Variants in GRAMD1B observed in about 807,000 individuals in gnomAD.
GRAMD1B encodes protein Aster-B.
A neutral mutation model predicts 99.7 loss-of-function variants in GRAMD1B; 37 were observed. The observed-to-expected ratio is 0.37, with a 90% CI of 0.29 to 0.49. The LOEUF is 0.49. GRAMD1B is among the 20% of genes least tolerant of loss of function. GRAMD1B has a pLI of 0.98. For synonymous variants in GRAMD1B, 427 were observed against 387.6 expected (o/e 1.10, Z -1.19); for missense variants, 888 against 1,009.2 (o/e 0.88, Z 1.63).
chr11:123,622,636 C>T lies in GRAMD1B; in HGVS notation c.*41C>T, dbSNP rs374815572. 55 of 768,598 alleles carry T rather than the reference C, an allele frequency of 7.2e-5. No homozygotes were observed. The African/African-American group carries it at 9.2e-4, about 13-fold the overall frequency. 47.6% of individuals were successfully genotyped at this position (768,598 alleles called of 1,614,324 possible). On this transcript the variant is annotated 3_prime_UTR_variant, in exon 20 of 20. Transcript: ENST00000635736. ...GTGGCTGCAAGAGGCCTGTGCAATA[C>T]ATGTACATAGACCATATAAATATAT...
chr11:123,389,358 T>A (rs914392195), intron 1 of GRAMD1B, among the ~76,000 whole-genome samples: 2 of 149,758 alleles, frequency 1.3e-5, no homozygotes, highest in Non-Finnish European at 3.0e-5. Flanking sequence ...CACTCCAGCC[T>A]AGGTGACAGA....
intron 1 of GRAMD1B, among the ~76,000 whole-genome samples, chr11:123,364,575 G>A (rs977551263): frequency 6.6e-6 from 1 of 152,210 alleles, no homozygotes. Context: ...GCTTTGAAGC[G>A]AAGGAATGTT....
At chr11:123,539,003 T>A (rs1183705783) in intron 2 of GRAMD1B, among the ~76,000 whole-genome samples, 1 of 152,132 alleles carries the variant, frequency 6.6e-6, no homozygotes, top group African/African-American at 2.4e-5. Context: ...ATTTTCAAGT[T>A]TCATCCAAGT....
At chr11:123,589,483 G>A (rs1333316513) in intron 4 of GRAMD1B, among the ~76,000 whole-genome samples, 2 of 151,644 alleles carry the variant, frequency 1.3e-5, no homozygotes, top group Non-Finnish European at 1.5e-5. Flanking sequence ...TCTCTCTGCC[G>A]CCCAGGCTGG....
chr11:123,396,408 T>G (rs539195745), intron 1 of GRAMD1B, among the ~76,000 whole-genome samples: 149 of 152,180 alleles, frequency 9.8e-4, no homozygotes, highest in African/African-American at 3.5e-3. Context: ...CCCAAATAGC[T>G]GGGATTATAG....
intron 2 of GRAMD1B, among the ~76,000 whole-genome samples, chr11:123,490,571 T>C (rs1938438194): frequency 6.6e-6 from 1 of 152,176 alleles, no homozygotes; most frequent in Non-Finnish European, 1.5e-5. Flanking sequence ...AGGATGTTCA[T>C]GTCTTGGAAT....
intron 1 of GRAMD1B, among the ~76,000 whole-genome samples, chr11:123,469,523 G>C (rs767037546): frequency 9.2e-5 from 14 of 152,092 alleles, no homozygotes; most frequent in Non-Finnish European, 1.3e-4. Context: ...TGCATTTCTA[G>C]TTCATATGAA....
chr11:123,363,722 G>T (rs527608396), intron 1 of GRAMD1B, among the ~76,000 whole-genome samples: 1 of 152,208 alleles, frequency 6.6e-6, no homozygotes, highest in African/African-American at 2.4e-5. Flanking sequence ...TAGAATTTGG[G>T]TGCTCACTCT....
intron 1 of GRAMD1B, among the ~76,000 whole-genome samples, chr11:123,389,118 C>A (rs974617594): frequency 2.5e-4 from 38 of 152,264 alleles, no homozygotes; most frequent in African/African-American, 8.4e-4. Context: ...GGCACGGTGG[C>A]TCACACCTGT....
intron 17 of GRAMD1B, 107 bp from the exon 18 acceptor site, chr11:123,618,586 C>T: frequency 1.2e-6 from 1 of 818,710 alleles, no homozygotes; most frequent in Non-Finnish European, 2.2e-6. Context: ...CACTGCAATG[C>T]TTTGGATGGC....
At chr11:123,620,519 T>C (rs978976095) in intron 19 of GRAMD1B, among the ~76,000 whole-genome samples, 1 of 146,786 alleles carries the variant, frequency 6.8e-6, no homozygotes, top group Non-Finnish European at 1.5e-5. Flanking sequence ...TTAATGCAGC[T>C]ATCAAGACCC....
chr11:123,459,281 G>A (rs1950304794), intron 1 of GRAMD1B: 1 of 147,916 alleles, frequency 6.8e-6, no homozygotes, highest in African/African-American at 2.5e-5. Flanking sequence ...TTGAGATGGA[G>A]TTTTGCTTTT....
At chr11:123,482,455 G>T (rs1951665194) in intron 2 of GRAMD1B, among the ~76,000 whole-genome samples, 2 of 152,146 alleles carry the variant, frequency 1.3e-5, no homozygotes, top group South Asian at 4.1e-4. Flanking sequence ...TGTTAGAAAA[G>T]ATTTATTTCG....
intron 2 of GRAMD1B, among the ~76,000 whole-genome samples, chr11:123,558,847 G>A (rs1419856460): frequency 1.3e-5 from 2 of 152,230 alleles, no homozygotes; most frequent in Admixed American, 1.3e-4. Flanking sequence ...GCTGCAGACA[G>A]AAGCAATCTT....
At chr11:123,405,662 G>T (rs1220697469) in intron 1 of GRAMD1B, among the ~76,000 whole-genome samples, 1 of 152,060 alleles carries the variant, frequency 6.6e-6, no homozygotes, top group East Asian at 1.9e-4. Flanking sequence ...TAGGAACTTT[G>T]GGCCAACAGG....
chr11:123,595,575 T>TGA (rs1427149327), intron 6 of GRAMD1B, among the ~76,000 whole-genome samples: 1 of 152,190 alleles, frequency 6.6e-6, no homozygotes, highest in East Asian at 1.9e-4. Flanking sequence ...ATTACAGATG[T>TGA]GAGCCCTGTG....
intron 4 of GRAMD1B, among the ~76,000 whole-genome samples, chr11:123,592,662 TA>T (rs1367154358): frequency 3.9e-5 from 6 of 152,112 alleles, no homozygotes; most frequent in African/African-American, 1.4e-4. Context: ...GAAACTAATA[TA>T]GGGGCCAGAG....
intron 17 of GRAMD1B, among the ~76,000 whole-genome samples, chr11:123,616,195 G>A (rs144731884): frequency 0.022 from 3,316 of 152,210 alleles, 73 homozygotes; most frequent in African/African-American, 0.044. Flanking sequence ...GGTGGCAGGT[G>A]CCTGTAGTCC....
rs550094690 is a variant in GRAMD1B, at chr11:123,452,084, T to C, written c.374+20918T>C. ...CCCAGCCTCAAGAAATTCTCTTTCC[T>C]TGGCCTCCTAAAATGTTGGGATTAC... On this transcript the variant is annotated intron_variant, in intron 1 of 19. Coordinates refer to ENST00000635736, the MANE Select transcript of GRAMD1B (RefSeq NM_001387025.1). Among the ~76,000 whole-genome samples, 8 of 152,296 alleles carry C rather than the reference T, an allele frequency of 5.3e-5. No individual in the cohort carries two copies. The South Asian group carries it at 1.0e-3, about 20-fold the overall frequency.
Sources: gnomAD v4.1 joint callset for allele counts (sites outside exome capture counted in the v4.1 genomes callset) on GRCh38, gnomAD v4.1.1 for gene constraint, MANE v1.5 for transcripts, NCBI Gene and HGNC (gene_info 2026-07-23, HGNC 2026-07-21) for gene names.